ZCCHC14: variants seen among roughly 807,000 people sequenced by gnomAD.
ZCCHC14 encodes the protein zinc finger CCHC domain-containing protein 14.
ZCCHC14 carries 16 observed loss-of-function variants against 85.0 expected under a neutral mutation model. That is an observed-to-expected ratio of 0.19 (90% CI 0.13 to 0.29). The LOEUF (loss-of-function observed/expected upper bound fraction) is 0.29, where lower values mean the gene tolerates loss of function less well. ZCCHC14 is among the 10% of genes least tolerant of loss of function. The pLI is 1.00. For synonymous variants in ZCCHC14, 775 were observed against 630.7 expected, an observed-to-expected ratio of 1.23 and a Z score of -3.43; for missense variants, 1,303 against 1,443.5, an observed-to-expected ratio of 0.90 and a Z score of 1.58.
chr16:87,410,849 G>A (rs112443213), intron 12 of ZCCHC14, among the ~76,000 whole-genome samples: 1 of 152,194 alleles, frequency 6.6e-6, no homozygotes, highest in Non-Finnish European at 1.5e-5. Flanking sequence ...CACAGATCTA[G>A]TGCAACCCTT....
chr16:87,474,955 C>T (rs1911935242), intron 1 of ZCCHC14, among the ~76,000 whole-genome samples: 1 of 152,228 alleles, frequency 6.6e-6, no homozygotes, highest in Non-Finnish European at 1.5e-5. Context: ...AACTGACTGC[C>T]TGCTAAAACA....
intron 1 of ZCCHC14, among the ~76,000 whole-genome samples, chr16:87,461,965 T>C (rs926927378): frequency 4.6e-5 from 7 of 152,270 alleles, no homozygotes; most frequent in South Asian, 4.2e-4. Context: ...ATTGGGAAGT[T>C]TATGTAACTC....
chr16:87,460,325 C>T (rs1911197950), intron 1 of ZCCHC14, among the ~76,000 whole-genome samples, 194 bp from the exon 2 acceptor site: 1 of 152,152 alleles, frequency 6.6e-6, no homozygotes, highest in Admixed American at 6.5e-5. Flanking sequence ...TGCAAAAGAG[C>T]TCAGATAACT....
intron 4 of ZCCHC14, 70 bp downstream of exon 4, chr16:87,423,739 AC>A: frequency 6.4e-7 from 1 of 1,553,628 alleles, no homozygotes; most frequent in Non-Finnish European, 8.8e-7. Context: ...CTCTGAAATT[AC>A]TCCGTGGTAT....
At chr16:87,418,806 T>A (rs762280130) in intron 7 of ZCCHC14, 41 bp downstream of exon 7, 2 of 1,584,604 alleles carry the variant, frequency 1.3e-6, no homozygotes, top group Middle Eastern at 3.3e-4. Context: ...CATTGTAAAA[T>A]GCTTATCTGA....
intron 2 of ZCCHC14, among the ~76,000 whole-genome samples, chr16:87,441,296 AT>A (rs1232465938): frequency 6.6e-6 from 1 of 152,166 alleles, no homozygotes; most frequent in African/African-American, 2.4e-5. Context: ...CCGGCCTCCC[AT>A]ACACCTTCAT....
At chr16:87,456,528 GTCTC>G (rs1333082796) in intron 2 of ZCCHC14, among the ~76,000 whole-genome samples, 12 of 27,116 alleles carry the variant, frequency 4.4e-4, no homozygotes, top group Non-Finnish European at 1.2e-3. Context: ...GCAAGACTCT[GTCTC>G]CAAAAAAAAA....
At chr16:87,446,167 CAAAAAA>C (rs567505964) in intron 2 of ZCCHC14, among the ~76,000 whole-genome samples, 2 of 54,190 alleles carry the variant, frequency 3.7e-5, no homozygotes, top group Non-Finnish European at 3.8e-5. Flanking sequence ...AACTCCGTCT[CAAAAAA>C]AAAAAAAAAA....
At chr16:87,448,575 T>C (rs1011017663) in intron 2 of ZCCHC14, among the ~76,000 whole-genome samples, 2 of 152,188 alleles carry the variant, frequency 1.3e-5, no homozygotes, top group African/African-American at 4.8e-5. Context: ...GCCACTCACC[T>C]TCTACCTTGT....
chr16:87,489,640 C>T (rs1274698686), intron 1 of ZCCHC14, among the ~76,000 whole-genome samples: 10 of 152,152 alleles, frequency 6.6e-5, no homozygotes, highest in Non-Finnish European at 7.4e-5. Context: ...CAAGGTTGCA[C>T]GGCTGGTAAA....
chr16:87,464,412 T>C (rs1911422715), intron 1 of ZCCHC14, among the ~76,000 whole-genome samples: 1 of 152,072 alleles, frequency 6.6e-6, no homozygotes, highest in Admixed American at 6.5e-5. Context: ...CGACCCCAAG[T>C]CCAGGTTTTA....
chr16:87,471,521 T>G (rs931294469), intron 1 of ZCCHC14: 3 of 152,252 alleles, frequency 2.0e-5, no homozygotes, highest in African/African-American at 7.2e-5. Context: ...AGTGACCAGA[T>G]GCAAATCTCT....
chr16:87,477,217 T>A (rs1250866504), intron 1 of ZCCHC14, among the ~76,000 whole-genome samples: 7 of 149,684 alleles, frequency 4.7e-5, no homozygotes, highest in Non-Finnish European at 1.0e-4. Context: ...TTTCACTAAA[T>A]GTAGGTTTTA....
chr16:87,468,246 G>T (rs574951856), intron 1 of ZCCHC14, among the ~76,000 whole-genome samples: 4 of 152,160 alleles, frequency 2.6e-5, no homozygotes, highest in African/African-American at 9.6e-5. Flanking sequence ...ACCATTTCAG[G>T]TTTCTTCCTT....
At chr16:87,441,020 T>C (rs1910157331) in intron 2 of ZCCHC14, among the ~76,000 whole-genome samples, 1 of 151,614 alleles carries the variant, frequency 6.6e-6, no homozygotes, top group African/African-American at 2.4e-5. Flanking sequence ...TTTTTTTTTT[T>C]GGAGATAGAG....
Position 87,492,136 on chromosome 16 carries a change from G to A in ZCCHC14, c.103C>T (p.Leu35=). The A allele has an allele frequency of 1.1e-5, 15 of 1,315,396 alleles. No individual in the cohort carries two copies. Among genetic ancestry groups the A allele is most frequent in the South Asian group, 6.7e-5 (4 of 59,654 alleles). The allele number at this position is 1,315,396 out of a possible 1,614,324, so 81.5% of individuals were successfully genotyped here. ...RVEFLCGLLD[L]CIPLELRFLG... is the part of the protein sequence containing the mutation. ...AAGCGAAGCTCGAGCGGGATGCACA[G>A]GTCCAGCAGGCCGCACAGGAACTCC... Residue 35 remains leucine (L), a synonymous_variant, in exon 1 of 13, where the codon CTG becomes TTG. Transcript: ENST00000671377. The surrounding 1 kb of genome is among the most constrained non-coding windows in gnomAD (Gnocchi z 6.7).
At chr16:87,467,414 T>C in intron 1 of ZCCHC14, 2 of 1,602,740 alleles carry the variant, frequency 1.2e-6, no homozygotes, top group East Asian at 2.2e-5. Flanking sequence ...CAAGCTCTCC[T>C]GGAGCAAATA....
chr16:87,421,536 G>C (rs374133977), intron 4 of ZCCHC14, among the ~76,000 whole-genome samples: 2 of 152,224 alleles, frequency 1.3e-5, no homozygotes, highest in African/African-American at 4.8e-5. Flanking sequence ...ATCAGGCTGG[G>C]CTGCAAGAGT....
At chr16:87,462,284 A>G (rs1312363630) in intron 1 of ZCCHC14, among the ~76,000 whole-genome samples, 4 of 152,214 alleles carry the variant, frequency 2.6e-5, no homozygotes, top group Non-Finnish European at 4.4e-5. Flanking sequence ...CTCTTTCATT[A>G]TTCTATGGTT....
Sources: gnomAD v4.1 joint callset for allele counts (sites outside exome capture counted in the v4.1 genomes callset) on GRCh38, gnomAD v4.1.1 for gene constraint, Gnocchi (gnomAD v3.1) non-coding constraint, MANE v1.5 for transcripts, NCBI Gene and HGNC (gene_info 2026-07-23, HGNC 2026-07-21) for gene names.